Variants in AMOTL1 observed in about 807,000 individuals in gnomAD.
AMOTL1 encodes the protein angiomotin-like protein 1.
In AMOTL1, 45 loss-of-function variants were observed where a neutral mutation model predicts 102.9. The ratio of observed to expected loss-of-function variants is 0.44; its 90% confidence interval spans 0.34 to 0.56. The LOEUF (loss-of-function observed/expected upper bound fraction) is 0.56, where lower values mean the gene tolerates loss of function less well. AMOTL1 is among the 20% of genes least tolerant of loss of function. The pLI is 0.01. For synonymous variants in AMOTL1, 481 were observed against 484.7 expected (o/e 0.99, Z 0.10); for missense variants, 1,114 against 1,225.6 (o/e 0.91, Z 1.36).
At chr11:94,749,042 T>C (rs1452113872) in intron 3 of AMOTL1, among the ~76,000 whole-genome samples, 1 of 152,168 alleles carries the variant, frequency 6.6e-6, no homozygotes, top group African/African-American at 2.4e-5. Context: ...TATAGTTGGA[T>C]GAGAGGGAAT....
chr11:94,813,436 C>T (rs1403292659), intron 3 of AMOTL1, among the ~76,000 whole-genome samples: 2 of 152,158 alleles, frequency 1.3e-5, no homozygotes, highest in South Asian at 2.1e-4. Context: ...CTGGGATCAA[C>T]GTTCCCCAGG....
intron 11 of AMOTL1, among the ~76,000 whole-genome samples, chr11:94,867,551 C>G (rs969732215): frequency 6.6e-6 from 1 of 152,162 alleles, no homozygotes; most frequent in Non-Finnish European, 1.5e-5. Context: ...TGCTGTGTTC[C>G]CTGCACTGAT....
chr11:94,712,266 C>A (rs578249506), intron 1 of AMOTL1, among the ~76,000 whole-genome samples: 2 of 151,988 alleles, frequency 1.3e-5, no homozygotes, highest in African/African-American at 4.8e-5. Context: ...ATGCCTTTTG[C>A]CCCAATAAAT....
At chr11:94,806,452 T>C (rs1405881041) in intron 3 of AMOTL1, among the ~76,000 whole-genome samples, 8 of 152,156 alleles carry the variant, frequency 5.3e-5, no homozygotes, top group Non-Finnish European at 8.8e-5. Flanking sequence ...ATGAATTGCT[T>C]TGTGGGATGA....
chr11:94,831,754 C>G (rs1424667117), intron 6 of AMOTL1, among the ~76,000 whole-genome samples: 1 of 152,174 alleles, frequency 6.6e-6, no homozygotes, highest in Non-Finnish European at 1.5e-5. Flanking sequence ...TTTATTCTGT[C>G]CCTCTGACCT....
chr11:94,830,109 C>G lies in AMOTL1; in HGVS notation c.1473C>G (p.Thr491=). The G allele has an allele frequency of 6.2e-7, 1 of 1,610,476 alleles. No homozygotes were observed. The change falls in exon 5 of 13, where the codon ACC becomes ACG. Residue 491 remains threonine, a synonymous_variant. Coordinates refer to ENST00000433060, the MANE Select transcript of AMOTL1 (RefSeq NM_130847.3). ...EAYESLVKST[T]KRESLDKAMR... is the part of the protein sequence containing the mutation. Reference sequence around the variant, plus strand: ...ATGAAAGTCTGGTCAAGTCTACCACCAAGCGAGAATCGCTGGACAAGGCCA... The same window carrying G: ...ATGAAAGTCTGGTCAAGTCTACCACGAAGCGAGAATCGCTGGACAAGGCCA...
At chr11:94,724,818 G>A (rs1260293619) in intron 1 of AMOTL1, among the ~76,000 whole-genome samples, 1 of 152,076 alleles carries the variant, frequency 6.6e-6, no homozygotes, top group East Asian at 1.9e-4. Flanking sequence ...CTGATTTACA[G>A]TGTAAGTTAC....
At position 94,840,709 on chromosome 11, in the gene AMOTL1, T is replaced by C. The variant is rs189632995; in HGVS notation, c.1648+9168T>C. Among the ~76,000 whole-genome samples the C allele has an allele frequency of 6.0e-3, 845 of 141,392 alleles. 4 individuals carry two copies. The highest frequency in any genetic ancestry group is 0.021 in the South Asian group (91 of 4,420). 92.8% of individuals were successfully genotyped at this position (141,392 alleles called of 152,430 possible). ...ACACACACACACACACACACACACA[T>C]ATATATATACATATATATGTACACA... On this transcript the variant is annotated intron_variant, in intron 6 of 12. Transcript: ENST00000433060.
exon 2 of AMOTL1, chr11:94,729,012 G>T: frequency 2.3e-6 from 3 of 1,289,076 alleles, no homozygotes; most frequent in Non-Finnish European, 3.0e-6. Flanking sequence ...AAGGAGCCTG[G>T]TTATCCCATG....
At chr11:94,864,688 A>G (rs1281118984) in intron 9 of AMOTL1, 47 bp from the exon 10 acceptor site, 1 of 1,590,958 alleles carries the variant, frequency 6.3e-7, no homozygotes, top group Admixed American at 1.7e-5. Context: ...CATTGAGACA[A>G]AGCAAGAAGG....
At chr11:94,765,613 C>G (rs1182886173), upstream of AMOTL1, among the ~76,000 whole-genome samples, 3 of 152,176 alleles carry the variant, frequency 2.0e-5, no homozygotes, top group Non-Finnish European at 4.4e-5. Context: ...GGAGTCTAGG[C>G]TAGGTCCACC....
intron 6 of AMOTL1, among the ~76,000 whole-genome samples, chr11:94,839,474 G>A (rs1013810276): frequency 3.3e-5 from 5 of 152,224 alleles, no homozygotes; most frequent in African/African-American, 1.2e-4. Flanking sequence ...GAAGCAGACA[G>A]ATTTTGAACC....
chr11:94,868,792 C>G (rs1017912336), intron 11 of AMOTL1, among the ~76,000 whole-genome samples: 7 of 152,136 alleles, frequency 4.6e-5, no homozygotes, highest in African/African-American at 1.7e-4. Context: ...CAAGCATGGT[C>G]TCTGGAAAGC....
At chr11:94,842,518 G>A (rs1565377365) in intron 6 of AMOTL1, among the ~76,000 whole-genome samples, 1 of 152,198 alleles carries the variant, frequency 6.6e-6, no homozygotes, top group Non-Finnish European at 1.5e-5. Flanking sequence ...TGTCAACAGG[G>A]ACATTCCTAT....
At chr11:94,845,188 G>A (rs1250581202) in intron 6 of AMOTL1, among the ~76,000 whole-genome samples, 2 of 152,234 alleles carry the variant, frequency 1.3e-5, no homozygotes, top group Non-Finnish European at 2.9e-5. Flanking sequence ...TGCTCAGATA[G>A]TAATCACAGA....
chr11:94,714,660 T>A (rs916000432), intron 1 of AMOTL1, among the ~76,000 whole-genome samples: 2 of 152,134 alleles, frequency 1.3e-5, no homozygotes, highest in Admixed American at 1.3e-4. Flanking sequence ...TTTATGAGTG[T>A]AAAGTTGTTC....
intron 3 of AMOTL1, among the ~76,000 whole-genome samples, chr11:94,746,005 T>C (rs1216544380): frequency 6.6e-6 from 1 of 152,216 alleles, no homozygotes; most frequent in Non-Finnish European, 1.5e-5. Flanking sequence ...CCACTACTTT[T>C]TTGCCTCATG....
At chr11:94,822,242 GT>G (rs1400542858) in intron 4 of AMOTL1, among the ~76,000 whole-genome samples, 1 of 152,172 alleles carries the variant, frequency 6.6e-6, no homozygotes, top group African/African-American at 2.4e-5. Flanking sequence ...GAGCCTGGGA[GT>G]TTGAGACCAG....
chr11:94,847,574 G>T (rs1952442990), intron 6 of AMOTL1, among the ~76,000 whole-genome samples: 1 of 152,144 alleles, frequency 6.6e-6, no homozygotes, highest in South Asian at 2.1e-4. Flanking sequence ...ATTGCCATTT[G>T]ATAGTTGAGG....
Sources: allele counts gnomAD v4.1 joint callset (sites outside exome capture counted in the v4.1 genomes callset), GRCh38; gene constraint gnomAD v4.1.1; transcripts MANE v1.5; gene names NCBI Gene and HGNC (gene_info 2026-07-23, HGNC 2026-07-21).